Variants in MAPK9 observed in about 807,000 individuals in gnomAD.
MAPK9 encodes mitogen-activated protein kinase 9, also known as Jun kinase.
In MAPK9, 30 loss-of-function variants were observed where a neutral mutation model predicts 57.1. That is an observed-to-expected ratio of 0.53 (90% CI 0.39 to 0.71). MAPK9 has a LOEUF of 0.71. Among genes scored for constraint, MAPK9 ranks in the 30% least tolerant of loss-of-function variants. The pLI, the probability that MAPK9 is intolerant of heterozygous loss-of-function variation, is 0.00. For missense variants in MAPK9, 362 were observed against 521.0 expected (o/e 0.69, Z 2.97); for synonymous variants, 155 against 177.0 (o/e 0.88, Z 0.99).
intron 5 of MAPK9, among the ~76,000 whole-genome samples, chr5:180,253,014 C>T (rs1758872229): frequency 6.6e-6 from 1 of 152,156 alleles, no homozygotes; most frequent in Admixed American, 6.5e-5. Flanking sequence ...CACGGAAATG[C>T]ACTCCTTGGT....
chr5:180,236,480 G>T lies in MAPK9; in HGVS notation c.1179C>A (p.Ile393=). The change falls in exon 12 of 12, where the codon ATC becomes ATA. Residue 393 remains isoleucine, a synonymous_variant. Transcript: ENST00000452135. ...SNATPSQSSS[I]NDISSMSTEQ... ...CAGTGGACATGGATGAAATGTCATTGATCGATGAAGACTGAGAAGGAGTGG... is the reference window on the plus strand; with the variant it reads ...CAGTGGACATGGATGAAATGTCATTTATCGATGAAGACTGAGAAGGAGTGG... 1 of 1,614,092 alleles carries T rather than the reference G, an allele frequency of 6.2e-7. No individual in the cohort carries two copies. The highest frequency in any genetic ancestry group is 8.5e-7 in the Non-Finnish European group (1 of 1,179,962).
At chr5:180,254,996 T>G (rs529629273) in intron 5 of MAPK9, among the ~76,000 whole-genome samples, 2 of 152,104 alleles carry the variant, frequency 1.3e-5, no homozygotes, top group South Asian at 4.1e-4. Flanking sequence ...ACCATGCCAC[T>G]GCACTCCAGC....
chr5:180,267,324 C>G (rs62404888), intron 3 of MAPK9, among the ~76,000 whole-genome samples: 11,917 of 151,902 alleles, frequency 0.078, 600 homozygotes, highest in Non-Finnish European at 0.11. Context: ...CACTTTGGGA[C>G]GCCGAGGCAG....
intron 1 of MAPK9, 58 bp from the exon 2 acceptor site, chr5:180,280,666 G>T: frequency 7.3e-7 from 1 of 1,367,246 alleles, no homozygotes; most frequent in Non-Finnish European, 9.9e-7. Flanking sequence ...CGCAGCTCAC[G>T]TAAGAGAGTT....
At chr5:180,267,538 G>A (rs1343298042) in intron 3 of MAPK9, among the ~76,000 whole-genome samples, 3 of 147,600 alleles carry the variant, frequency 2.0e-5, no homozygotes, top group Non-Finnish European at 4.5e-5. Flanking sequence ...CTCCAGGTTG[G>A]GCGACAGAGC....
chr5:180,240,862 C>T (rs918690590), intron 9 of MAPK9, among the ~76,000 whole-genome samples, 169 bp downstream of exon 9: 30 of 152,120 alleles, frequency 2.0e-4, no homozygotes, highest in South Asian at 2.1e-4. Context: ...GCTCCAGCAG[C>T]AAAAGAGCAA....
intron 1 of MAPK9, among the ~76,000 whole-genome samples, chr5:180,288,370 A>T (rs1762952840): frequency 6.6e-6 from 1 of 152,250 alleles, no homozygotes; most frequent in African/African-American, 2.4e-5. Context: ...TCAACAACGT[A>T]TGGCCTTCTC....
intron 7 of MAPK9, chr5:180,246,462 T>C (rs1022298132): frequency 6.6e-6 from 1 of 152,230 alleles, no homozygotes; most frequent in Non-Finnish European, 1.5e-5. Context: ...GATAAAATTA[T>C]TAAAATCTGA....
At chr5:180,274,372 G>A (rs1029900090) in intron 2 of MAPK9, among the ~76,000 whole-genome samples, 3 of 152,278 alleles carry the variant, frequency 2.0e-5, no homozygotes, top group South Asian at 2.1e-4. Context: ...TTCTTATCAC[G>A]AGAGCCCTTT....
chr5:180,265,291 C>T (rs1448085875), intron 3 of MAPK9, among the ~76,000 whole-genome samples: 5 of 152,284 alleles, frequency 3.3e-5, no homozygotes, highest in East Asian at 3.9e-4. Context: ...GCTGATCCTG[C>T]GGCAGGCCTC....
intron 7 of MAPK9, among the ~76,000 whole-genome samples, chr5:180,245,364 G>A (rs1758002889): frequency 6.6e-6 from 1 of 152,170 alleles, no homozygotes; most frequent in African/African-American, 2.4e-5. Context: ...GCTCTGCCCT[G>A]CCCTTGACGA....
chr5:180,281,547 G>A (rs1373656636), intron 1 of MAPK9, among the ~76,000 whole-genome samples: 1 of 152,146 alleles, frequency 6.6e-6, no homozygotes, highest in Non-Finnish European at 1.5e-5. Flanking sequence ...AAATCATATA[G>A]GTAAACATTC....
intron 5 of MAPK9, among the ~76,000 whole-genome samples, chr5:180,249,803 G>GA (rs1357405230): frequency 3.3e-5 from 5 of 152,012 alleles, no homozygotes; most frequent in Non-Finnish European, 7.4e-5. Flanking sequence ...ATCAACATAA[G>GA]AAAAATACTG....
At chr5:180,277,297 G>A (rs1290855870) in intron 2 of MAPK9, among the ~76,000 whole-genome samples, 1 of 152,192 alleles carries the variant, frequency 6.6e-6, no homozygotes, top group Non-Finnish European at 1.5e-5. Flanking sequence ...GAGGTAAGCA[G>A]GGCTGCGTGG....
chr5:180,256,574 AG>A (rs1051824425), intron 5 of MAPK9, among the ~76,000 whole-genome samples: 1 of 152,152 alleles, frequency 6.6e-6, no homozygotes, highest in Non-Finnish European at 1.5e-5. Context: ...GACAGGGAGG[AG>A]AGGACACAGC....
intron 3 of MAPK9, among the ~76,000 whole-genome samples, chr5:180,266,062 A>G (rs531789677): frequency 2.9e-4 from 44 of 149,982 alleles, no homozygotes; most frequent in Admixed American, 2.5e-3. Context: ...TGTCAAATGG[A>G]AAAAAAAAAG....
intron 5 of MAPK9, among the ~76,000 whole-genome samples, chr5:180,252,394 A>G (rs1394158073): frequency 2.0e-5 from 3 of 152,122 alleles, no homozygotes; most frequent in African/African-American, 7.2e-5. Context: ...GTCTGGGGTC[A>G]TTCTCCAGAA....
At chr5:180,280,100 A>C in intron 2 of MAPK9, 1 of 461,818 alleles carries the variant, frequency 2.2e-6, no homozygotes, top group South Asian at 1.6e-5. Flanking sequence ...CATGATGAAG[A>C]AATGAATAAA....
At chr5:180,265,007 CA>C (rs1201395413) in intron 3 of MAPK9, among the ~76,000 whole-genome samples, 168 bp from the exon 4 acceptor site, 1 of 152,098 alleles carries the variant, frequency 6.6e-6, no homozygotes, top group Non-Finnish European at 1.5e-5. Flanking sequence ...AGTTAAACAT[CA>C]ATTAAAGGAA....
Sources: allele counts gnomAD v4.1 joint callset (sites outside exome capture counted in the v4.1 genomes callset), GRCh38; gene constraint gnomAD v4.1.1; transcripts MANE v1.5; gene names NCBI Gene and HGNC (gene_info 2026-07-23, HGNC 2026-07-21).